Variants in RAD51B observed in about 807,000 individuals in gnomAD.
The protein encoded by RAD51B is RAD51 paralog B, also known as DNA repair protein RAD51 homolog 2.
RAD51B carries 38 observed loss-of-function variants against 42.2 expected under a neutral mutation model. The observed-to-expected ratio is 0.90, with a 90% confidence interval of 0.70 to 1.18. The LOEUF (loss-of-function observed/expected upper bound fraction) is 1.18, where lower values mean the gene tolerates loss of function less well. Among genes scored for constraint, RAD51B ranks in the 50% most tolerant of loss-of-function variants. RAD51B has a pLI of 0.00. For missense variants in RAD51B, 373 were observed against 400.7 expected (o/e 0.93, Z 0.59); for synonymous variants, 154 against 145.2 (o/e 1.06, Z -0.43).
chr14:68,508,547 A>G (rs74439081), intron 10 of RAD51B, among the ~76,000 whole-genome samples: 3,378 of 152,292 alleles, frequency 0.022, 125 homozygotes, highest in African/African-American at 0.074. Flanking sequence ...AGGCCCAGAC[A>G]TAACCAGCCT....
intron 7 of RAD51B, among the ~76,000 whole-genome samples, chr14:67,900,836 T>A (rs2043588490): frequency 6.6e-6 from 1 of 152,110 alleles, no homozygotes; most frequent in Non-Finnish European, 1.5e-5. Flanking sequence ...TGTAATGAAT[T>A]TACTTTTTTG....
intron 7 of RAD51B, among the ~76,000 whole-genome samples, chr14:68,215,527 A>T (rs2140952691): frequency 6.6e-6 from 1 of 152,328 alleles, no homozygotes; most frequent in South Asian, 2.1e-4. Context: ...AGGTGCTATT[A>T]TCCCCATTTT....
At chr14:68,407,848 G>A (rs1350213518) in intron 8 of RAD51B, among the ~76,000 whole-genome samples, 3 of 152,170 alleles carry the variant, frequency 2.0e-5, no homozygotes, top group Non-Finnish European at 4.4e-5. Context: ...TGTGGGAAAT[G>A]GAGCAGGGGG....
intron 7 of RAD51B, among the ~76,000 whole-genome samples, chr14:67,995,527 A>G (rs988173811): frequency 1.3e-5 from 2 of 152,088 alleles, no homozygotes; most frequent in Admixed American, 6.6e-5. Context: ...TTCCATCCCA[A>G]GTTAGAAATA....
chr14:67,924,684 T>A (rs2044443557), intron 7 of RAD51B, among the ~76,000 whole-genome samples: 1 of 152,158 alleles, frequency 6.6e-6, no homozygotes, highest in Non-Finnish European at 1.5e-5. Flanking sequence ...TGTAATTCAG[T>A]CACCTCCCAC....
chr14:68,257,543 TTAA>T (rs1319384714), intron 7 of RAD51B, among the ~76,000 whole-genome samples: 1 of 152,076 alleles, frequency 6.6e-6, no homozygotes, highest in Non-Finnish European at 1.5e-5. Flanking sequence ...ATTTTGTATA[TTAA>T]TAAGAATTTT....
intron 7 of RAD51B, among the ~76,000 whole-genome samples, chr14:67,943,889 G>GAGATAT (rs953149248): frequency 6.6e-6 from 1 of 152,060 alleles, no homozygotes; most frequent in African/African-American, 2.4e-5. Context: ...CATGTGGGTG[G>GAGATAT]AGATATAGAT....
intron 7 of RAD51B, among the ~76,000 whole-genome samples, chr14:67,912,847 A>G (rs918505546): frequency 6.6e-6 from 1 of 152,030 alleles, no homozygotes; most frequent in African/African-American, 2.4e-5. Context: ...CTGGGACTAC[A>G]GGTGCCTGCC....
At chr14:68,460,651 G>A (rs1186653600) in intron 9 of RAD51B, among the ~76,000 whole-genome samples, 1 of 152,170 alleles carries the variant, frequency 6.6e-6, no homozygotes, top group African/African-American at 2.4e-5. Flanking sequence ...CGCCATCCTG[G>A]AGAAGGCCTG....
chr14:68,317,908 A>T (rs1055438276), intron 8 of RAD51B, among the ~76,000 whole-genome samples: 2 of 152,276 alleles, frequency 1.3e-5, no homozygotes, highest in African/African-American at 4.8e-5. Context: ...CATATATCAC[A>T]TAGTATAGCT....
chr14:68,293,217 GT>G (rs575023802), intron 8 of RAD51B, among the ~76,000 whole-genome samples: 1 of 151,810 alleles, frequency 6.6e-6, no homozygotes, highest in Non-Finnish European at 1.5e-5. Flanking sequence ...TCTTAGAATA[GT>G]TTTTTTTGTT....
At chr14:68,175,667 C>T (rs147833426) in intron 7 of RAD51B, among the ~76,000 whole-genome samples, 4 of 152,172 alleles carry the variant, frequency 2.6e-5, no homozygotes, top group African/African-American at 9.6e-5. Context: ...TTATGGTGTC[C>T]GTTTAACTTA....
intron 7 of RAD51B, among the ~76,000 whole-genome samples, chr14:68,283,706 T>C (rs1364057774): frequency 1.3e-5 from 2 of 152,202 alleles, no homozygotes; most frequent in African/African-American, 2.4e-5. Context: ...CAACACGTGC[T>C]AACCTCAGCC....
At chr14:68,261,354 G>A (rs977107264) in intron 7 of RAD51B, among the ~76,000 whole-genome samples, 6 of 152,186 alleles carry the variant, frequency 3.9e-5, no homozygotes, top group Non-Finnish European at 8.8e-5. Flanking sequence ...AAAGGTTCCC[G>A]GAGCTGTCTG....
intron 10 of RAD51B, among the ~76,000 whole-genome samples, chr14:68,524,751 G>A (rs1886813952): frequency 1.3e-5 from 2 of 152,164 alleles, no homozygotes; most frequent in Admixed American, 1.3e-4. Context: ...TGAGTTTTTT[G>A]ACTCAAGAAG....
chr14:68,628,949 T>C (rs1892160818), intron 10 of RAD51B, among the ~76,000 whole-genome samples: 1 of 152,140 alleles, frequency 6.6e-6, no homozygotes, highest in Non-Finnish European at 1.5e-5. Context: ...CTCAGACACT[T>C]TGAAAAGCGT....
chr14:68,206,126 C>G (rs951793469), intron 7 of RAD51B, among the ~76,000 whole-genome samples: 1 of 152,002 alleles, frequency 6.6e-6, no homozygotes, highest in Admixed American at 6.6e-5. Flanking sequence ...GAATTTAAGC[C>G]CCCCCTCTTG....
At chr14:68,161,376 T>C (rs1483855147) in intron 7 of RAD51B, among the ~76,000 whole-genome samples, 4 of 152,218 alleles carry the variant, frequency 2.6e-5, no homozygotes, top group African/African-American at 4.8e-5. Flanking sequence ...AGGGAATGAA[T>C]CTTTCCTGAT....
At chr14:68,066,532 G>A (rs2076652765) in intron 7 of RAD51B, among the ~76,000 whole-genome samples, 1 of 152,112 alleles carries the variant, frequency 6.6e-6, no homozygotes, top group African/African-American at 2.4e-5. Flanking sequence ...CATAATAAAG[G>A]GAGAAATCTA....
Sources: allele counts gnomAD v4.1 joint callset (sites outside exome capture counted in the v4.1 genomes callset), GRCh38; gene constraint gnomAD v4.1.1; transcripts MANE v1.5; gene names NCBI Gene and HGNC (gene_info 2026-07-23, HGNC 2026-07-21).